Variants in SORBS2 observed in about 807,000 individuals in gnomAD.
The protein encoded by SORBS2 is sorbin and SH3 domain containing 2.
Under a neutral mutation model 97.7 loss-of-function variants are expected in SORBS2, and 46 were observed. That is an observed-to-expected ratio of 0.47 (90% CI 0.37 to 0.60). The LOEUF (loss-of-function observed/expected upper bound fraction) is 0.60, where lower values mean the gene tolerates loss of function less well. Ranked by LOEUF, SORBS2 falls within the 20% of genes least tolerant of loss-of-function variation. The probability of loss-of-function intolerance (pLI) is 0.00; values close to 1 mark genes in which losing one functional copy is unlikely to be tolerated. For missense variants in SORBS2, 1,316 were observed against 1,282.3 expected (o/e 1.03, Z -0.40); for synonymous variants, 476 against 473.4 (o/e 1.01, Z -0.07).
intron 2 of SORBS2, among the ~76,000 whole-genome samples, chr4:185,716,195 C>G (rs2098463918): frequency 1.3e-5 from 2 of 152,228 alleles, no homozygotes. Context: ...CCCGTAACAC[C>G]TGCTGCTGGG....
Position 185,801,692 on chromosome 4 carries a change from G to C in SORBS2, c.-337-26326C>G, listed in dbSNP as rs80137090. On this transcript the variant is annotated intron_variant, in intron 1 of 20. Coordinates refer to the SORBS2 transcript ENST00000284776. ...TCTCTCTCTCTCTCTCTCTCTCTCT[G>C]TGTGTGATGCTCTTGAGTTGTAAAC... Among the ~76,000 whole-genome samples, 830 of 138,980 alleles carry C rather than the reference G, an allele frequency of 6.0e-3. 15 individuals are homozygous for C. The South Asian group carries it at 0.068, about 11-fold the overall frequency. 91.2% of individuals were successfully genotyped at this position (138,980 alleles called of 152,430 possible).
At chr4:185,759,943 T>A (rs996861261) in intron 2 of SORBS2, among the ~76,000 whole-genome samples, 10 of 152,200 alleles carry the variant, frequency 6.6e-5, no homozygotes, top group African/African-American at 2.2e-4. Context: ...TTAACTTCTA[T>A]AAAATACTCT....
At chr4:185,603,798 C>A (rs943425667) in intron 12 of SORBS2, among the ~76,000 whole-genome samples, 7 of 152,148 alleles carry the variant, frequency 4.6e-5, no homozygotes, top group Non-Finnish European at 8.8e-5. Context: ...AAAATAGTAT[C>A]TTTAGGTTAA....
At chr4:185,740,208 G>A (rs1349119205) in intron 2 of SORBS2, 1 of 152,448 alleles carries the variant, frequency 6.6e-6, no homozygotes, top group Non-Finnish European at 1.5e-5. Context: ...TGTGTGGCTT[G>A]TGCAGGAATG....
intron 2 of SORBS2, among the ~76,000 whole-genome samples, chr4:185,710,335 G>A (rs1291217212): frequency 3.3e-5 from 5 of 152,182 alleles, no homozygotes; most frequent in Admixed American, 6.5e-5. Flanking sequence ...CTCGTCTTGC[G>A]ACATAAAATA....
chr4:185,934,542 C>T (rs2099268010), intron 1 of SORBS2, among the ~76,000 whole-genome samples: 1 of 152,010 alleles, frequency 6.6e-6, no homozygotes. Flanking sequence ...AGGTGGATCA[C>T]CTGAGGTCAG....
chr4:185,758,951 T>G (rs1228864140), intron 2 of SORBS2, among the ~76,000 whole-genome samples: 1 of 152,236 alleles, frequency 6.6e-6, no homozygotes, highest in Non-Finnish European at 1.5e-5. Context: ...TTTTACTCTC[T>G]TACCTACTGT....
At chr4:185,626,448 T>G (rs1184338978) in intron 6 of SORBS2, among the ~76,000 whole-genome samples, 1 of 152,266 alleles carries the variant, frequency 6.6e-6, no homozygotes, top group African/African-American at 2.4e-5. Context: ...CTGTTGCTGC[T>G]TGTAATTTTT....
intron 1 of SORBS2, among the ~76,000 whole-genome samples, chr4:185,893,913 C>CT (rs1300929701): frequency 6.6e-6 from 1 of 152,094 alleles, no homozygotes; most frequent in African/African-American, 2.4e-5. Context: ...AGACTTTAGC[C>CT]TTTTTTTCCC....
At chr4:185,639,144 G>C in intron 4 of SORBS2, 109 bp from the exon 14 acceptor site, 1 of 1,035,788 alleles carries the variant, frequency 9.7e-7, no homozygotes, top group Non-Finnish European at 1.4e-6. Context: ...GGAGGGGAGA[G>C]GCCTCCGGAC....
chr4:185,712,958 C>A (rs572609366), intron 2 of SORBS2, among the ~76,000 whole-genome samples: 2 of 152,282 alleles, frequency 1.3e-5, no homozygotes, highest in African/African-American at 4.8e-5. Flanking sequence ...TTCCAGTAAC[C>A]TTATGGTTTT....
At chr4:185,786,023 T>C (rs1218828953) in intron 1 of SORBS2, among the ~76,000 whole-genome samples, 1 of 152,170 alleles carries the variant, frequency 6.6e-6, no homozygotes, top group African/African-American at 2.4e-5. Flanking sequence ...CAAATTGATC[T>C]TCAAAAATAT....
chr4:185,744,677 A>G (rs2098749370), intron 2 of SORBS2, among the ~76,000 whole-genome samples: 1 of 152,228 alleles, frequency 6.6e-6, no homozygotes, highest in Non-Finnish European at 1.5e-5. Context: ...ACAAATTCAA[A>G]ACTGTTTGAT....
intron 12 of SORBS2, among the ~76,000 whole-genome samples, chr4:185,608,183 C>T (rs950279735): frequency 3.3e-5 from 5 of 152,112 alleles, no homozygotes; most frequent in South Asian, 2.1e-4. Context: ...ATCTTTTAAA[C>T]GCTGACAATT....
chr4:185,820,298 C>T (rs2099195971), intron 1 of SORBS2, among the ~76,000 whole-genome samples: 2 of 152,270 alleles, frequency 1.3e-5, no homozygotes, highest in Admixed American at 6.5e-5. Context: ...CAGCGCGGCG[C>T]TGTGTGAACA....
At chr4:185,918,149 A>T (rs537189501) in intron 1 of SORBS2, 1 of 152,312 alleles carries the variant, frequency 6.6e-6, no homozygotes, top group Non-Finnish European at 1.5e-5. Flanking sequence ...AAAAAAGACA[A>T]TACCTAAGAT....
chr4:185,705,752 G>A (rs1048714389), intron 2 of SORBS2, among the ~76,000 whole-genome samples: 2 of 152,130 alleles, frequency 1.3e-5, no homozygotes, highest in East Asian at 1.9e-4. Flanking sequence ...GACTCCCATC[G>A]TGAAGTGGTT....
chr4:185,699,191 T>A (rs2098222376), intron 2 of SORBS2, among the ~76,000 whole-genome samples: 1 of 152,086 alleles, frequency 6.6e-6, no homozygotes, highest in Admixed American at 6.6e-5. Context: ...AATTTAAATT[T>A]TGGGGCAGGG....
At chr4:185,860,749 A>G (rs2099223270) in intron 1 of SORBS2, among the ~76,000 whole-genome samples, 1 of 152,190 alleles carries the variant, frequency 6.6e-6, no homozygotes, top group Admixed American at 6.5e-5. Flanking sequence ...GGAGGCTTCC[A>G]GGTGGATTCA....
Sources: allele counts gnomAD v4.1 joint callset (sites outside exome capture counted in the v4.1 genomes callset), GRCh38; gene constraint gnomAD v4.1.1; transcripts MANE v1.5; gene names NCBI Gene and HGNC (gene_info 2026-07-23, HGNC 2026-07-21).